The following MPHOSPH9 variants were observed in gnomAD, a reference collection of about 807,000 sequenced individuals.
MPHOSPH9 encodes M-phase phosphoprotein 9.
In MPHOSPH9, 88 loss-of-function variants were observed where a neutral mutation model predicts 145.5. That is an observed-to-expected ratio of 0.60 (90% CI 0.51 to 0.72). The LOEUF (loss-of-function observed/expected upper bound fraction) is 0.72, where lower values mean the gene tolerates loss of function less well. Among genes scored for constraint, MPHOSPH9 ranks in the 30% least tolerant of loss-of-function variants. MPHOSPH9 has a pLI of 0.00. For synonymous variants in MPHOSPH9, 435 were observed against 486.2 expected (o/e 0.89, Z 1.39); for missense variants, 1,238 against 1,386.6 (o/e 0.89, Z 1.70).
upstream of MPHOSPH9, chr12:123,233,900 G>A (rs879622535): frequency 6.6e-6 from 1 of 152,358 alleles, no homozygotes; most frequent in Non-Finnish European, 1.5e-5. Context: ...ATCAGGTGCT[G>A]TTTCAGGCCT....
chr12:123,192,083 C>A (rs543628936), intron 13 of MPHOSPH9, among the ~76,000 whole-genome samples: 118 of 152,246 alleles, frequency 7.8e-4, no homozygotes, highest in African/African-American at 2.4e-3. Context: ...ATTAGAAAAA[C>A]ACACCACAGT....
At chr12:123,181,667 G>A (rs371304833) in intron 13 of MPHOSPH9, among the ~76,000 whole-genome samples, 78 of 152,236 alleles carry the variant, frequency 5.1e-4, no homozygotes, top group African/African-American at 1.8e-3. Context: ...AGAGTTCAAG[G>A]CTACAGTGTG....
rs139882496 is a variant in MPHOSPH9, at chr12:123,202,862, C to T, written c.1543G>A (p.Ala515Thr). ...GFPKYPSHTK[A>T]SPVDSWKNQT... Reference sequence around the variant, plus strand: ...TTTTTCCAAGAGTCCACCGGAGAAGCTTTTGTGTGTGAGGGATATTTTGGA... The same window carrying T: ...TTTTTCCAAGAGTCCACCGGAGAAGTTTTTGTGTGTGAGGGATATTTTGGA... The change falls in exon 10 of 24, where the codon GCT (alanine) becomes ACT (threonine). Residue 515 changes from alanine (A) to threonine (T), a missense_variant. By Grantham distance (58) the Ala-to-Thr change is moderately conservative (BLOSUM62 0). Transcript: ENST00000606320. 6.2e-7 allele frequency: 1 copy of T among 1,614,140 alleles called. No individual in the cohort carries two copies. The highest frequency in any genetic ancestry group is 8.5e-7 in the Non-Finnish European group (1 of 1,180,030).
At position 123,164,066 on chromosome 12, in the gene MPHOSPH9, G is replaced by A. The variant is rs752914301; in HGVS notation, c.2792C>T (p.Ser931Leu). ...SNINPRQTET[S>L]VNASRSPEKC... ...TTCTGGAGAACGACTTGCATTAACT[G>A]AAGTTTCAGTTTGCCGAGGATTTAC... The change falls in exon 19 of 24, where the codon TCA becomes TTA. Residue 931 changes from serine to leucine, a missense_variant. Coordinates refer to ENST00000606320, the MANE Select transcript of MPHOSPH9 (RefSeq NM_022782.4). The A allele has an allele frequency of 2.5e-6, 4 of 1,614,082 alleles. No individual in the cohort carries two copies. The East Asian group carries it at 8.9e-5, about 36-fold the overall frequency.
chr12:123,203,365 C>A lies in MPHOSPH9; in HGVS notation c.1205G>T (p.Ser402Ile). ...CAGTGACGGTAGCTTCATCTCATTA[C>A]TAGTATTAGACTTAAAGATACGAAA... ...TDVSPNQSNT[S>I]NEMKLPSLKD... The change falls in exon 9 of 24, where the codon AGT becomes ATT. Residue 402 changes from serine to isoleucine, a missense_variant. Coordinates refer to ENST00000606320, the MANE Select transcript of MPHOSPH9 (RefSeq NM_022782.4). 1 of 1,603,172 alleles carries A rather than the reference C, an allele frequency of 6.2e-7. No homozygotes were observed. Among genetic ancestry groups the A allele is most frequent in the East Asian group, 2.2e-5 (1 of 44,824 alleles).
intron 7 of MPHOSPH9, among the ~76,000 whole-genome samples, chr12:123,213,704 G>A (rs948658453): frequency 6.6e-6 from 1 of 152,088 alleles, no homozygotes; most frequent in Non-Finnish European, 1.5e-5. Flanking sequence ...ATTGTAATTC[G>A]AGGAACAATT....
chr12:123,221,752 T>C lies in MPHOSPH9; in HGVS notation c.492A>G (p.Glu164=). The C allele has an allele frequency of 6.2e-7, 1 of 1,614,174 alleles. No homozygotes were observed. Among genetic ancestry groups the C allele is most frequent in the Non-Finnish European group, 8.5e-7 (1 of 1,180,044 alleles). Residue 164 remains glutamate (E), a synonymous_variant, in exon 5 of 24, where the codon GAA becomes GAG. Coordinates refer to ENST00000606320, the MANE Select transcript of MPHOSPH9 (RefSeq NM_022782.4). ...TGGATTCAGGATAATGGATAACAGA[T>C]TCATTTCTCTCACTGCTTAGAGAAA... ...GFFSLSSERN[E]SVIHYPESTE...
intron 13 of MPHOSPH9, among the ~76,000 whole-genome samples, chr12:123,188,191 G>A (rs1185404708): frequency 6.6e-6 from 1 of 152,124 alleles, no homozygotes; most frequent in Non-Finnish European, 1.5e-5. Context: ...GAAGATGGAT[G>A]CAATACGTAT....
rs1231768149 is a variant in MPHOSPH9, at chr12:123,163,111, G to C, written c.2932C>G (p.Pro978Ala). 1 of 1,584,892 alleles carries C rather than the reference G, an allele frequency of 6.3e-7. No homozygotes were observed. Among genetic ancestry groups the C allele is most frequent in the African/African-American group, 1.4e-5 (1 of 73,070 alleles). Residue 978 changes from proline (P) to alanine (A), a missense_variant, in exon 20 of 24, where the codon CCA (proline) becomes GCA (alanine). This residue lies in a region of MPHOSPH9 where 393 missense variants were observed against 462.5 expected (regional missense o/e 0.85). Coordinates refer to ENST00000606320, the MANE Select transcript of MPHOSPH9 (RefSeq NM_022782.4). ...TPTKREIMLT[P>A]VTVAYSPKRS... ...TTTGGACTATAAGCCACAGTCACTGGTGTTAGCATAATCTCTCTTTTTGCT... is the reference window on the plus strand; with the variant it reads ...TTTGGACTATAAGCCACAGTCACTGCTGTTAGCATAATCTCTCTTTTTGCT...
intron 5 of MPHOSPH9, among the ~76,000 whole-genome samples, chr12:123,219,325 G>A (rs189219694): frequency 5.1e-4 from 77 of 151,660 alleles, no homozygotes; most frequent in Middle Eastern, 3.4e-3. Flanking sequence ...CAGGCCTGGC[G>A]CAGTGGCTCA....
chr12:123,242,762 T>C (rs1351541902), intron 1 of MPHOSPH9, among the ~76,000 whole-genome samples: 2 of 152,204 alleles, frequency 1.3e-5, no homozygotes, highest in African/African-American at 2.4e-5. Flanking sequence ...AAAAGCACTC[T>C]CATCTCCATC....
chr12:123,176,198 T>C (rs888301883), intron 16 of MPHOSPH9, among the ~76,000 whole-genome samples: 17 of 152,194 alleles, frequency 1.1e-4, no homozygotes, highest in African/African-American at 3.9e-4. Context: ...TAATGTATTC[T>C]GTAAGGGTAT....
In MPHOSPH9 at chr12:123,163,016, A is replaced by G; in HGVS notation, c.3027T>C (p.Ile1009=). The change falls in exon 20 of 24, where the codon ATT becomes ATC. Residue 1009 remains isoleucine, a splice_region_variant and synonymous_variant. Coordinates refer to ENST00000606320, the MANE Select transcript of MPHOSPH9 (RefSeq NM_022782.4). ...HLLSKNESSP[I]RFDILLDDLD... is the part of the protein sequence containing the mutation. ...TTCTACAATTTTAGAGAACTTACCG[A>G]ATTGGACTGCTCTCATTTTTGCTAA... is the stretch of plus-strand genomic sequence containing the variant. 1.3e-6 allele frequency: 2 copies of G among 1,555,234 alleles called. No homozygotes were observed. The highest frequency in any genetic ancestry group is 1.7e-6 in the Non-Finnish European group (2 of 1,161,398).
intron 11 of MPHOSPH9, among the ~76,000 whole-genome samples, chr12:123,200,885 C>A (rs2046192455): frequency 1.3e-5 from 2 of 152,016 alleles, no homozygotes; most frequent in South Asian, 4.2e-4. Flanking sequence ...TCTTGAACTC[C>A]TAACCTCTAG....
Position 123,162,222 on chromosome 12 carries a change from T to C in MPHOSPH9, c.3030-4A>G. 2 of 1,457,464 alleles carry C rather than the reference T, an allele frequency of 1.4e-6. No individual in the cohort carries two copies. The highest frequency in any genetic ancestry group is 1.8e-6 in the Non-Finnish European group (2 of 1,081,422). The allele number at this position is 1,457,464 out of a possible 1,614,324, so 90.3% of individuals were successfully genotyped here. ...ATCATCCAAAAGTATATCAAATCTA[T>C]TGAATGAAGCAAGTTACTTGTGAGA... On this transcript the variant is annotated splice_polypyrimidine_tract_variant and splice_region_variant and intron_variant, in intron 20 of 23. Coordinates refer to ENST00000606320, the MANE Select transcript of MPHOSPH9 (RefSeq NM_022782.4).
chr12:123,214,695 T>A, intron 7 of MPHOSPH9, 49 bp downstream of exon 7: 1 of 1,410,182 alleles, frequency 7.1e-7, no homozygotes, highest in South Asian at 1.2e-5. Context: ...TACCTTCCTC[T>A]GAGTGTATGT....
rs1186295170 is a variant in MPHOSPH9 at position 123,155,579 on chromosome 12, G to GT, written c.*1227dup. ...CCATTTTGAAAGTTTGGATGAGTCT[G>GT]TTTATCAACATGTACCGAGCTGGAA... is the stretch of plus-strand genomic sequence containing the variant. On this transcript the variant is annotated 3_prime_UTR_variant, in exon 24 of 24. Coordinates refer to ENST00000606320, the MANE Select transcript of MPHOSPH9 (RefSeq NM_022782.4). The GT allele has an allele frequency of 6.6e-6, 1 of 152,246 alleles. No individual in the cohort carries two copies. The highest frequency in any genetic ancestry group is 1.5e-5 in the Non-Finnish European group (1 of 68,046). 9.4% of individuals were successfully genotyped at this position (152,246 alleles called of 1,614,324 possible).
At chr12:123,210,907 C>T (rs2046675387) in intron 7 of MPHOSPH9, among the ~76,000 whole-genome samples, 1 of 150,770 alleles carries the variant, frequency 6.6e-6, no homozygotes. Flanking sequence ...ATTCTCCTGC[C>T]TCAGCCTCCT....
At chr12:123,238,498 T>G (rs551478192) in intron 1 of MPHOSPH9, among the ~76,000 whole-genome samples, 1 of 152,182 alleles carries the variant, frequency 6.6e-6, no homozygotes, top group African/African-American at 2.4e-5. Context: ...ATGCTGGGCA[T>G]GGTGGCTCAT....
Sources: gnomAD v4.1 joint callset for allele counts (sites outside exome capture counted in the v4.1 genomes callset) on GRCh38, gnomAD v4.1.1 for gene constraint, gnomAD v4.1.1 regional missense constraint, MANE v1.5 for transcripts, NCBI Gene and HGNC (gene_info 2026-07-23, HGNC 2026-07-21) for gene names.